ZNF35: variants seen among roughly 807,000 people sequenced by gnomAD.
The protein encoded by ZNF35 is zinc finger protein 35.
ZNF35 carries 31 observed loss-of-function variants against 45.9 expected under a neutral mutation model. That is an observed-to-expected ratio of 0.68 (90% CI 0.51 to 0.91). The LOEUF is 0.91. Ranked by LOEUF, ZNF35 falls within the 40% of genes least tolerant of loss-of-function variation. The probability of loss-of-function intolerance (pLI) is 0.00; values close to 1 mark genes in which losing one functional copy is unlikely to be tolerated. For synonymous variants in ZNF35, 205 were observed against 220.2 expected (o/e 0.93, Z 0.61); for missense variants, 515 against 625.4 (o/e 0.82, Z 1.88).
At chr3:44,653,705 A>G (rs1703246530) in intron 3 of ZNF35, among the ~76,000 whole-genome samples, 2 of 152,210 alleles carry the variant, frequency 1.3e-5, no homozygotes, top group African/African-American at 2.4e-5. Context: ...TGTTCTCTCT[A>G]AGCTAGGACT....
chr3:44,651,793 A>T (rs538657970), intron 2 of ZNF35, among the ~76,000 whole-genome samples: 1 of 151,240 alleles, frequency 6.6e-6, no homozygotes, highest in Non-Finnish European at 1.5e-5. Flanking sequence ...AATTCATGCC[A>T]CTGCACTCTA....
intron 1 of ZNF35, 123 bp from the exon 2 acceptor site, chr3:44,650,818 C>T (rs377641028): frequency 3.0e-5 from 12 of 403,560 alleles, no homozygotes; most frequent in African/African-American, 2.4e-4. Flanking sequence ...TAGAGGATTC[C>T]ATGTCCTACA....
intron 3 of ZNF35, among the ~76,000 whole-genome samples, chr3:44,654,410 A>G (rs1219262768): frequency 6.6e-6 from 1 of 152,136 alleles, no homozygotes; most frequent in African/African-American, 2.4e-5. Context: ...CTGGACCTCC[A>G]TTTCCTGTTC....
At chr3:44,655,813 A>G (rs144913533) in intron 3 of ZNF35, among the ~76,000 whole-genome samples, 120 of 152,354 alleles carry the variant, frequency 7.9e-4, no homozygotes, top group African/African-American at 2.7e-3. Context: ...CATTATTCAG[A>G]TAGAAGGAAT....
Position 44,658,869 on chromosome 3 carries a change from G to A in ZNF35, c.506G>A (p.Arg169Lys), listed in dbSNP as rs1263220994. The change falls in exon 4 of 4, where the codon AGA becomes AAA. Residue 169 changes from arginine (R) to lysine (K), a missense_variant. Coordinates refer to ENST00000396056, the MANE Select transcript of ZNF35 (RefSeq NM_003420.4). ...ATGTTAAAGAGGCAGAGAATAAAGAGAGAAAAGAAAGATTTCAGACAAGTG... is the reference window on the plus strand; with the variant it reads ...ATGTTAAAGAGGCAGAGAATAAAGAAAGAAAAGAAAGATTTCAGACAAGTG... ...GNMLKRQRIK[R>K]EKKDFRQVIV... 1.7e-5 allele frequency: 27 copies of A among 1,612,818 alleles called. No individual in the cohort carries two copies. Among genetic ancestry groups the A allele is most frequent in the Non-Finnish European group, 2.2e-5 (26 of 1,179,804 alleles).
Position 44,660,130 on chromosome 3 carries a change from G to A in ZNF35, c.*183G>A, listed in dbSNP as rs576296069. 1.7e-6 allele frequency: 1 copy of A among 584,994 alleles called. No homozygotes were observed. Among genetic ancestry groups the A allele is most frequent in the South Asian group, 4.5e-5 (1 of 22,104 alleles). The allele number at this position is 584,994 out of a possible 1,614,324, so 36.2% of individuals were successfully genotyped here. A position where few individuals can be genotyped will look rare whatever the true frequency, so the allele number is the denominator to read the frequency against. ...TTCAGAGGCTAATTTAAAACAAAAA[G>A]TAAGCACCTAAAGGCAAGGACTTTG... On this transcript the variant is annotated 3_prime_UTR_variant, in exon 4 of 4. Coordinates refer to ENST00000396056, the MANE Select transcript of ZNF35 (RefSeq NM_003420.4).
Position 44,659,544 on chromosome 3 carries a change from AGT to A in ZNF35, c.1185_1186del (p.Cys395TrpfsTer5). The A allele has an allele frequency of 1.2e-6, 2 of 1,614,128 alleles. No homozygotes were observed. The highest frequency in any genetic ancestry group is 1.7e-6 in the Non-Finnish European group (2 of 1,179,992). On this transcript the variant is annotated frameshift_variant, in exon 4 of 4. Transcript: ENST00000396056. LOFTEE classifies it high-confidence loss of function. The surrounding 1 kb of genome is among the most constrained non-coding windows in gnomAD (Gnocchi z 4.3). ...GGTGAGAAGCCATATGAGTGTAAAG[AGT>A]GTGGGAAAGCCTTTAGTTGTTTTTC...
At chr3:44,648,055 A>G (rs1314919719), upstream of ZNF35, 1 of 152,212 alleles carries the variant, frequency 6.6e-6, no homozygotes, top group Non-Finnish European at 1.5e-5. Flanking sequence ...AATAAAAAGT[A>G]AAAACCAACA....
At position 44,659,761 on chromosome 3, in the gene ZNF35, A is replaced by G; in HGVS notation, c.1398A>G (p.Arg466=). 6.2e-7 allele frequency: 1 copy of G among 1,614,056 alleles called. No individual in the cohort carries two copies. The highest frequency in any genetic ancestry group is 1.3e-5 in the African/African-American group (1 of 75,018). ...TCSSYLLIHQ[R]IHNGEKPYTC... ...GCTCATACCTACTTATTCATCAGAGAATTCATAATGGAGAAAAACCTTACA... is the reference window on the plus strand; with the variant it reads ...GCTCATACCTACTTATTCATCAGAGGATTCATAATGGAGAAAAACCTTACA... Residue 466 remains arginine, a synonymous_variant, in exon 4 of 4, where the codon AGA becomes AGG. Transcript: ENST00000396056. This position sits in a 1 kb window ranked among gnomAD's most constrained non-coding sequence, Gnocchi z 4.3.
At chr3:44,650,096 T>G (rs888474225) in intron 1 of ZNF35, among the ~76,000 whole-genome samples, 9 of 151,974 alleles carry the variant, frequency 5.9e-5, no homozygotes, top group Non-Finnish European at 1.0e-4. Context: ...GTGTGTGTAG[T>G]GTGTGTAGGT....
intron 1 of ZNF35, among the ~76,000 whole-genome samples, chr3:44,649,434 C>T (rs748380267): frequency 1.3e-5 from 2 of 152,180 alleles, no homozygotes; most frequent in Non-Finnish European, 2.9e-5. Flanking sequence ...ATAGCAGCAA[C>T]AGGGGATTGA....
rs1250205410 is a variant in ZNF35 at position 44,657,353 on chromosome 3, C to T, written c.338-1348C>T. 2.0e-5 allele frequency among the ~76,000 whole-genome samples: 3 copies of T among 152,240 alleles called. No homozygotes were observed. In the South Asian group the frequency reaches 6.2e-4, roughly 32 times the overall value. On this transcript the variant is annotated intron_variant, in intron 3 of 3. Coordinates refer to ENST00000396056, the MANE Select transcript of ZNF35 (RefSeq NM_003420.4). ...CATCACCAGTGGGAATACCTCCCTCCTCTACAGGCTTGCCACCCATTCCTG... is the reference window on the plus strand; with the variant it reads ...CATCACCAGTGGGAATACCTCCCTCTTCTACAGGCTTGCCACCCATTCCTG...
chr3:44,649,375 C>A (rs1190528131), intron 1 of ZNF35, among the ~76,000 whole-genome samples: 2 of 152,152 alleles, frequency 1.3e-5, no homozygotes, highest in East Asian at 3.8e-4. Flanking sequence ...TCAGTGTATA[C>A]AGTAAGTGGC....
chr3:44,658,765 A>T lies in ZNF35; in HGVS notation c.402A>T (p.Lys134Asn), dbSNP rs770806231. 6.3e-7 allele frequency: 1 copy of T among 1,594,596 alleles called. No individual in the cohort carries two copies. The highest frequency in any genetic ancestry group is 8.5e-7 in the Non-Finnish European group (1 of 1,175,608). ...CTGAGATATGTGAGGAAGCTGAAAAACCCCTCATCATATCAGAAAGAATCC... is the reference window on the plus strand; with the variant it reads ...CTGAGATATGTGAGGAAGCTGAAAATCCCCTCATCATATCAGAAAGAATCC... ...PKTEICEEAE[K>N]PLIISERIQK... Residue 134 changes from lysine to asparagine, a missense_variant, in exon 4 of 4, where the codon AAA (lysine) becomes AAT (asparagine). By Grantham distance (94) the Lys-to-Asn change is moderately conservative (BLOSUM62 0). Coordinates refer to ENST00000396056, the MANE Select transcript of ZNF35 (RefSeq NM_003420.4).
rs1559485359 is a variant in ZNF35 at position 44,659,495 on chromosome 3, A to C, written c.1132A>C (p.Ile378Leu). The C allele has an allele frequency of 1.2e-6, 2 of 1,613,622 alleles. No individual in the cohort carries two copies. Among genetic ancestry groups the C allele is most frequent in the Non-Finnish European group, 1.7e-6 (2 of 1,179,950 alleles). ...AGCCTTTACCCAGAGTGCAAATCTT[A>C]TTGTACATCAGCGAAGCCATACTGG... is the stretch of plus-strand genomic sequence containing the variant. Reference protein sequence around the residue: ...GKAFTQSANLIVHQRSHTGEK... With the variant: ...GKAFTQSANLLVHQRSHTGEK... The change falls in exon 4 of 4, where the codon ATT (isoleucine) becomes CTT (leucine). Residue 378 changes from isoleucine (I) to leucine (L), a missense_variant. By Grantham distance (5) the Ile-to-Leu change is conservative. Around this residue, in one of 3 missense-constraint regions of ZNF35, gnomAD observed 232 missense variants for 304.6 expected, o/e 0.76. Transcript: ENST00000396056. This position sits in a 1 kb window ranked among gnomAD's most constrained non-coding sequence, Gnocchi z 4.3.
upstream of ZNF35, chr3:44,646,582 C>A: frequency 1.1e-6 from 1 of 947,370 alleles, no homozygotes; most frequent in Non-Finnish European, 1.7e-6. Context: ...AAGAAAGCTG[C>A]CCTGGATTCT....
At chr3:44,657,075 T>C (rs1396304377) in intron 3 of ZNF35, among the ~76,000 whole-genome samples, 1 of 152,182 alleles carries the variant, frequency 6.6e-6, no homozygotes, top group Non-Finnish European at 1.5e-5. Context: ...CCTCTGACAC[T>C]GCTCATCTTG....
intron 1 of ZNF35, among the ~76,000 whole-genome samples, 195 bp from the exon 2 acceptor site, chr3:44,650,746 T>C (rs1703186607): frequency 1.3e-5 from 2 of 152,178 alleles, no homozygotes; most frequent in African/African-American, 4.8e-5. Flanking sequence ...GTTTGCAATG[T>C]GGTTATTATG....
At chr3:44,657,287 T>C (rs897988753) in intron 3 of ZNF35, among the ~76,000 whole-genome samples, 2 of 152,202 alleles carry the variant, frequency 1.3e-5, no homozygotes, top group African/African-American at 2.4e-5. Flanking sequence ...GCAGCAGTTA[T>C]AACCTGAAGC....
Sources: allele counts gnomAD v4.1 joint callset (sites outside exome capture counted in the v4.1 genomes callset), GRCh38; gene constraint gnomAD v4.1.1; regional missense constraint gnomAD v4.1.1; non-coding constraint Gnocchi (gnomAD v3.1); transcripts MANE v1.5; gene names NCBI Gene and HGNC (gene_info 2026-07-23, HGNC 2026-07-21).